The following AGMO variants were observed in gnomAD, a reference collection of about 807,000 sequenced individuals.
The protein encoded by AGMO is alkylglycerol monooxygenase.
In AGMO, 75 loss-of-function variants were observed where a neutral mutation model predicts 60.2. That is an observed-to-expected ratio of 1.25 (90% CI 1.03 to 1.51). The LOEUF is 1.51. Ranked by LOEUF, AGMO falls within the 40% of genes most tolerant of loss-of-function variation. AGMO has a pLI of 0.00. For synonymous variants in AGMO, 261 were observed against 177.1 expected, an observed-to-expected ratio of 1.47 and a Z score of -3.76; for missense variants, 763 against 525.5, an observed-to-expected ratio of 1.45 and a Z score of -4.42.
rs964982532 is a variant in AGMO at position 15,465,688 on chromosome 7, G to A, written c.410-34580C>T. On this transcript the variant is annotated intron_variant, in intron 3 of 12. Transcript: ENST00000342526. Reference sequence around the variant, plus strand: ...CCAAAACTCCTGGGCTCAAGCAATCGTCTCTCCTCAGCCTCCCAAAATGCT... The same window carrying A: ...CCAAAACTCCTGGGCTCAAGCAATCATCTCTCCTCAGCCTCCCAAAATGCT... Among the ~76,000 whole-genome samples the A allele has an allele frequency of 4.0e-5, 6 of 150,478 alleles. No homozygotes were observed. In the South Asian group the frequency reaches 8.4e-4, roughly 21 times the overall value.
chr7:15,210,110 C>T (rs1015742718), intron 12 of AGMO, among the ~76,000 whole-genome samples: 4 of 152,018 alleles, frequency 2.6e-5, no homozygotes, highest in Admixed American at 2.6e-4. Flanking sequence ...TCAAATGATA[C>T]AGAGTATTGG....
chr7:15,384,821 T>C (rs867229204), intron 10 of AGMO, among the ~76,000 whole-genome samples: 5,743 of 147,588 alleles, frequency 0.039, 160 homozygotes, highest in African/African-American at 0.083. Flanking sequence ...TTTTCTCTTT[T>C]TTTTTTTTTT....
downstream of AGMO, among the ~76,000 whole-genome samples, chr7:15,200,036 G>A (rs1011438905): frequency 3.9e-5 from 6 of 152,086 alleles, no homozygotes; most frequent in African/African-American, 1.4e-4. Flanking sequence ...ATCTAAGTCA[G>A]GCTCCTTAAC....
chr7:15,380,893 C>T (rs1015921697), intron 10 of AGMO, among the ~76,000 whole-genome samples: 10 of 152,134 alleles, frequency 6.6e-5, no homozygotes, highest in African/African-American at 2.2e-4. Context: ...CTACAACTAT[C>T]TCATCTTCAA....
intron 2 of AGMO, 49 bp downstream of exon 2, chr7:15,560,092 T>A: frequency 6.7e-7 from 1 of 1,486,002 alleles, no homozygotes; most frequent in Non-Finnish European, 9.1e-7. Context: ...CCCCTCATAC[T>A]TAGGCAATTT....
rs1481795304 is a variant in AGMO at position 15,303,687 on chromosome 7, CAGA to C, written c.1263+61824_1263+61826del. Among the ~76,000 whole-genome samples the C allele has an allele frequency of 1.1e-4, 16 of 152,070 alleles. No homozygotes were observed. In the East Asian group the frequency reaches 1.5e-3, roughly 15 times the overall value. On this transcript the variant is annotated intron_variant, in intron 12 of 12. Coordinates refer to ENST00000342526, the MANE Select transcript of AGMO (RefSeq NM_001004320.2). ...TGAGGAATATGAAGGTGCTAAAAAG[CAGA>C]AGAAGGAAGTGGAGCATGGGGAACT...
intron 12 of AGMO, among the ~76,000 whole-genome samples, chr7:15,302,577 TA>T (rs550889948): frequency 2.0e-5 from 3 of 152,126 alleles, no homozygotes; most frequent in African/African-American, 7.2e-5. Context: ...AAATGACAAT[TA>T]AAAAATACAT....
the AGMO span, among the ~76,000 whole-genome samples, chr7:15,120,216 C>T: frequency 0.57 from 86,707 of 151,706 alleles, 25,606 homozygotes; most frequent in African/African-American, 0.71. Flanking sequence ...TTGAAGTCAC[C>T]CCCACTAGAT....
At chr7:15,498,075 G>A (rs1389125803) in intron 3 of AGMO, among the ~76,000 whole-genome samples, 2 of 151,900 alleles carry the variant, frequency 1.3e-5, no homozygotes, top group Non-Finnish European at 2.9e-5. Context: ...AGATCACAGG[G>A]ATTAAACATA....
chr7:15,426,309 T>C (rs1166459172), intron 4 of AGMO, among the ~76,000 whole-genome samples: 1 of 152,210 alleles, frequency 6.6e-6, no homozygotes, highest in Non-Finnish European at 1.5e-5. Context: ...GACACTTACA[T>C]ATACTAGGTA....
chr7:15,136,113 C>T, the AGMO span, among the ~76,000 whole-genome samples: 6 of 151,554 alleles, frequency 4.0e-5, no homozygotes, highest in African/African-American at 1.5e-4. Context: ...CCTGCCTCAG[C>T]CTCCCTAGTA....
At chr7:15,524,092 A>G (rs1784065307) in intron 3 of AGMO, among the ~76,000 whole-genome samples, 1 of 152,084 alleles carries the variant, frequency 6.6e-6, no homozygotes, top group South Asian at 2.1e-4. Flanking sequence ...GCAAATAATT[A>G]ATATATACTA....
the AGMO span, among the ~76,000 whole-genome samples, chr7:15,148,871 A>G: frequency 0.01 from 1,576 of 152,152 alleles, 26 homozygotes; most frequent in African/African-American, 0.035. Context: ...TGGTGGTTCT[A>G]TTTCTTTGAG....
At chr7:15,431,258 G>T in intron 3 of AGMO, 150 bp from the exon 4 acceptor site, 1 of 600,666 alleles carries the variant, frequency 1.7e-6, no homozygotes, top group Non-Finnish European at 2.9e-6. Context: ...AAAATATGCT[G>T]CCTGAAATAA....
chr7:15,491,792 G>A (rs571820822), intron 3 of AGMO, among the ~76,000 whole-genome samples: 1 of 152,214 alleles, frequency 6.6e-6, no homozygotes, highest in South Asian at 2.1e-4. Flanking sequence ...TTATCTCAGG[G>A]CATTATTTTT....
intron 12 of AGMO, among the ~76,000 whole-genome samples, chr7:15,217,548 CAAAT>C (rs201347945): frequency 1.4e-3 from 206 of 151,828 alleles, no homozygotes; most frequent in African/African-American, 4.4e-3. Flanking sequence ...TAATGAGAAA[CAAAT>C]AAGGGACTAA....
chr7:15,355,992 A>G (rs1782515474), intron 12 of AGMO, among the ~76,000 whole-genome samples: 1 of 152,140 alleles, frequency 6.6e-6, no homozygotes, highest in East Asian at 1.9e-4. Flanking sequence ...ACCCACTTCA[A>G]TAGTAAACAG....
chr7:15,164,279 C>G, the AGMO span, among the ~76,000 whole-genome samples: 2 of 152,134 alleles, frequency 1.3e-5, no homozygotes, highest in Non-Finnish European at 2.9e-5. Flanking sequence ...AGACCTGAAA[C>G]TATAAAAATC....
intron 12 of AGMO, among the ~76,000 whole-genome samples, chr7:15,300,485 T>TA (rs2128525834): frequency 6.6e-6 from 1 of 152,238 alleles, no homozygotes; most frequent in South Asian, 2.1e-4. Flanking sequence ...CATTGTTATT[T>TA]AATTAAGGTG....
Sources: allele counts gnomAD v4.1 joint callset (sites outside exome capture counted in the v4.1 genomes callset), GRCh38; gene constraint gnomAD v4.1.1; transcripts MANE v1.5; gene names NCBI Gene and HGNC (gene_info 2026-07-23, HGNC 2026-07-21).